Variants in PLPPR1 observed in about 807,000 individuals in gnomAD.
The protein encoded by PLPPR1 is phospholipid phosphatase related 1, also known as phospholipid phosphatase-related protein type 1.
Under a neutral mutation model 33.1 loss-of-function variants are expected in PLPPR1, and 10 were observed. That is an observed-to-expected ratio of 0.30 (90% CI 0.19 to 0.51). The LOEUF (loss-of-function observed/expected upper bound fraction) is 0.51. PLPPR1 is among the 20% of genes least tolerant of loss of function. PLPPR1 has a pLI of 0.97. For missense variants in PLPPR1, 304 were observed against 408.1 expected, an observed-to-expected ratio of 0.74 and a Z score of 2.20; for synonymous variants, 151 against 151.0, an observed-to-expected ratio of 1.00 and a Z score of 0.00.
intron 2 of PLPPR1, among the ~76,000 whole-genome samples, chr9:101,193,985 A>G (rs1002317957): frequency 3.3e-5 from 5 of 152,172 alleles, no homozygotes; most frequent in African/African-American, 7.2e-5. Flanking sequence ...TTGAAATATG[A>G]GACTTCTACA....
chr9:101,043,155 G>A (rs925138785), intron 1 of PLPPR1, among the ~76,000 whole-genome samples: 2 of 151,774 alleles, frequency 1.3e-5, no homozygotes, highest in African/African-American at 4.8e-5. Flanking sequence ...GAGAACATAC[G>A]ATGTTTGTTT....
At chr9:101,052,626 A>C (rs34861860) in intron 1 of PLPPR1, among the ~76,000 whole-genome samples, 6 of 151,918 alleles carry the variant, frequency 3.9e-5, no homozygotes, top group Non-Finnish European at 7.4e-5. Context: ...GCTTATTTGC[A>C]TGGTGGCAGA....
intron 1 of PLPPR1, among the ~76,000 whole-genome samples, chr9:101,044,365 A>G (rs1830120356): frequency 1.3e-5 from 2 of 152,194 alleles, no homozygotes; most frequent in African/African-American, 2.4e-5. Flanking sequence ...AAGAGAACAC[A>G]GAAAACATTT....
intron 2 of PLPPR1, among the ~76,000 whole-genome samples, chr9:101,205,906 T>G (rs1826580319): frequency 6.6e-6 from 1 of 152,144 alleles, no homozygotes; most frequent in Non-Finnish European, 1.5e-5. Context: ...TTAGTTTTAG[T>G]CAGCTTAGTT....
chr9:101,291,731 C>G (rs1244921806), intron 4 of PLPPR1, among the ~76,000 whole-genome samples: 5 of 152,322 alleles, frequency 3.3e-5, no homozygotes, highest in Admixed American at 1.3e-4. Flanking sequence ...GCTGAGGGTC[C>G]TGTCTGTTAG....
chr9:101,096,419 T>C (rs1038549745), intron 1 of PLPPR1, among the ~76,000 whole-genome samples: 4 of 152,178 alleles, frequency 2.6e-5, no homozygotes, highest in Non-Finnish European at 5.9e-5. Flanking sequence ...TCCATCGGTG[T>C]CTACATGAGC....
chr9:101,237,748 T>C (rs1046386819), intron 2 of PLPPR1, among the ~76,000 whole-genome samples: 12 of 141,994 alleles, frequency 8.5e-5, no homozygotes, highest in African/African-American at 1.3e-4. Flanking sequence ...TATATATATA[T>C]ACATATAGGC....
chr9:101,051,758 A>T (rs368142061), intron 1 of PLPPR1, among the ~76,000 whole-genome samples: 118 of 152,322 alleles, frequency 7.7e-4, no homozygotes, highest in African/African-American at 2.7e-3. Flanking sequence ...CAAGGCAGGT[A>T]GACATTTATT....
chr9:101,220,463 A>G (rs930519003), intron 2 of PLPPR1, among the ~76,000 whole-genome samples: 1 of 152,194 alleles, frequency 6.6e-6, no homozygotes. Flanking sequence ...TGCTTTACCT[A>G]ATCTTATAGT....
intron 2 of PLPPR1, among the ~76,000 whole-genome samples, chr9:101,207,884 G>C (rs1826619259): frequency 6.6e-6 from 1 of 152,130 alleles, no homozygotes; most frequent in Non-Finnish European, 1.5e-5. Context: ...ACTTCCAAGA[G>C]CCTAAGGAAA....
intron 7 of PLPPR1, among the ~76,000 whole-genome samples, chr9:101,320,250 G>C (rs1829130334): frequency 6.6e-6 from 1 of 152,146 alleles, no homozygotes; most frequent in African/African-American, 2.4e-5. Flanking sequence ...CCGAATACCA[G>C]GCTTGGGCCA....
intron 2 of PLPPR1, among the ~76,000 whole-genome samples, chr9:101,223,279 TGAGCTATGATGG>T (rs958102371): frequency 6.7e-6 from 1 of 150,318 alleles, no homozygotes; most frequent in Admixed American, 6.6e-5. Context: ...GAGCTTGCAG[TGAGCTATGATGG>T]TACCACTGAA....
At chr9:101,038,479 T>C (rs1158530645) in intron 1 of PLPPR1, among the ~76,000 whole-genome samples, 1 of 152,158 alleles carries the variant, frequency 6.6e-6, no homozygotes. Context: ...TCTCCTTGAT[T>C]CACAGAATTG....
intron 2 of PLPPR1, among the ~76,000 whole-genome samples, chr9:101,229,957 A>G (rs1827147469): frequency 1.3e-5 from 2 of 152,166 alleles, no homozygotes; most frequent in Non-Finnish European, 2.9e-5. Context: ...CTGTTTATAA[A>G]GATGTGGGTA....
rs368776300 is a variant in PLPPR1 at position 101,248,564 on chromosome 9, G to C, written c.64-21316G>C. On this transcript the variant is annotated intron_variant, in intron 2 of 7. Coordinates refer to ENST00000374874, the MANE Select transcript of PLPPR1 (RefSeq NM_207299.2). ...TCAGAGAGGATAAAAGTGAGAAAAG[G>C]AGGCTTAGATTACTTTTCATAACCT... Among the ~76,000 whole-genome samples, 6 of 152,120 alleles carry C rather than the reference G, an allele frequency of 3.9e-5. No homozygotes were observed. The East Asian group carries it at 7.8e-4, about 20-fold the overall frequency.
At chr9:101,055,720 T>G (rs979212741) in intron 1 of PLPPR1, among the ~76,000 whole-genome samples, 6 of 152,194 alleles carry the variant, frequency 3.9e-5, no homozygotes, top group South Asian at 2.1e-4. Context: ...TTCTCTCATG[T>G]GGGAATTCTT....
intron 1 of PLPPR1, among the ~76,000 whole-genome samples, chr9:101,149,074 A>G (rs1831553147): frequency 6.6e-6 from 1 of 152,204 alleles, no homozygotes; most frequent in East Asian, 1.9e-4. Context: ...AATAAGCACC[A>G]GTGTTATGTA....
At chr9:101,228,642 G>C (rs1312636930) in intron 2 of PLPPR1, among the ~76,000 whole-genome samples, 1 of 152,114 alleles carries the variant, frequency 6.6e-6, no homozygotes, top group Non-Finnish European at 1.5e-5. Context: ...GAGGTTGATA[G>C]TAAATTCCAG....
chr9:101,208,599 G>A (rs1826630716), intron 2 of PLPPR1, among the ~76,000 whole-genome samples: 2 of 151,448 alleles, frequency 1.3e-5, no homozygotes, highest in Admixed American at 6.6e-5. Context: ...CCTGTTATTA[G>A]TTCAGATTAG....
Sources: gnomAD v4.1 joint callset for allele counts (sites outside exome capture counted in the v4.1 genomes callset) on GRCh38, gnomAD v4.1.1 for gene constraint, MANE v1.5 for transcripts, NCBI Gene and HGNC (gene_info 2026-07-23, HGNC 2026-07-21) for gene names.